Variants in BBS12 observed in about 807,000 individuals in gnomAD.
The protein encoded by BBS12 is Bardet-Biedl syndrome 12.
In BBS12, 5 loss-of-function variants were observed where a neutral mutation model predicts 5.6. That is an observed-to-expected ratio of 0.89 (90% CI 0.46 to 1.86). The LOEUF is 1.86. Among genes scored for constraint, BBS12 ranks in the 40% most tolerant of loss-of-function variants. The pLI, the probability that BBS12 is intolerant of heterozygous loss-of-function variation, is 0.01. For missense variants in BBS12, 748 were observed against 830.4 expected (o/e 0.90, Z 1.22); for synonymous variants, 308 against 306.8 (o/e 1.00, Z -0.04).
chr4:122,722,350 G>A, the BBS12 span, among the ~76,000 whole-genome samples: 2 of 152,138 alleles, frequency 1.3e-5, no homozygotes, highest in Non-Finnish European at 2.9e-5. Flanking sequence ...ATTCAGGCAA[G>A]CTAGTCCTCT....
At chr4:122,703,424 C>T in the BBS12 span, among the ~76,000 whole-genome samples, 1 of 152,322 alleles carries the variant, frequency 6.6e-6, no homozygotes, top group South Asian at 2.1e-4. Flanking sequence ...TAGCTGTAGT[C>T]CCAGCTTCTC....
At chr4:122,733,782 C>A (rs1800742124) in intron 1 of BBS12, 1 of 150,176 alleles carries the variant, frequency 6.7e-6, no homozygotes, top group African/African-American at 2.4e-5. Flanking sequence ...CCTACAATGT[C>A]TTCTCTAGAG....
In BBS12 at chr4:122,732,882, G is replaced by C. The variant is rs1228156772; in HGVS notation, c.-13G>C. 1 of 152,314 alleles carries C rather than the reference G, an allele frequency of 6.6e-6. No homozygotes were observed. The highest frequency in any genetic ancestry group is 1.9e-4 in the East Asian group (1 of 5,196). 9.4% of individuals were successfully genotyped at this position (152,314 alleles called of 1,614,324 possible). ...CCCCTGTAGGAGAGGAGAAAGGAGCGAGGTTAGTAGTGAGGTGCTTCCGCT... is the reference window on the plus strand; with the variant it reads ...CCCCTGTAGGAGAGGAGAAAGGAGCCAGGTTAGTAGTGAGGTGCTTCCGCT... On this transcript the variant is annotated splice_region_variant and 5_prime_UTR_variant, in exon 1 of 2. Coordinates refer to ENST00000314218, the MANE Select transcript of BBS12 (RefSeq NM_152618.3).
upstream of BBS12, chr4:122,731,426 T>C (rs1578482794): frequency 6.6e-6 from 1 of 152,350 alleles, no homozygotes; most frequent in East Asian, 1.9e-4. Context: ...TTAATCTTGC[T>C]CTTCCTATCT....
chr4:122,723,134 C>T, the BBS12 span, among the ~76,000 whole-genome samples: 1 of 152,050 alleles, frequency 6.6e-6, no homozygotes, highest in South Asian at 2.1e-4. Context: ...AATCAAATTT[C>T]AAATGCTGAA....
chr4:122,707,985 CTTTT>C, the BBS12 span, among the ~76,000 whole-genome samples: 13 of 148,518 alleles, frequency 8.8e-5, no homozygotes, highest in Non-Finnish European at 1.9e-4. Flanking sequence ...TTCTTTCTTT[CTTTT>C]CTCTCTTTCT....
chr4:122,728,682 T>C (rs1206780910), upstream of BBS12: 4 of 152,234 alleles, frequency 2.6e-5, no homozygotes, highest in East Asian at 5.8e-4. Context: ...TCAAAGACAC[T>C]GTGAAAACAC....
chr4:122,742,037 T>C lies in BBS12; in HGVS notation c.145T>C (p.Leu49=). The C allele has an allele frequency of 6.2e-7, 1 of 1,614,144 alleles. No homozygotes were observed. Among genetic ancestry groups the C allele is most frequent in the South Asian group, 1.1e-5 (1 of 91,080 alleles). The stretch of plus-strand genomic sequence containing the variant: ...AGATGAAGAATGTCATGAAAGTGTA[T>C]TAATCAGTTCAACAGTAAGGCTTCT... ...IIDEECHESV[L]ISSTVRLLES... is the part of the protein sequence containing the mutation. The change falls in exon 2 of 2, where the codon TTA becomes CTA. Residue 49 remains leucine (L), a synonymous_variant. Transcript: ENST00000314218.
the BBS12 span, among the ~76,000 whole-genome samples, chr4:122,714,090 A>T: frequency 6.6e-6 from 1 of 152,194 alleles, no homozygotes; most frequent in African/African-American, 2.4e-5. Context: ...CAGGGTCTTT[A>T]GGAGATATTT....
intron 1 of BBS12, among the ~76,000 whole-genome samples, chr4:122,733,490 C>T (rs1389431156): frequency 6.6e-6 from 1 of 151,462 alleles, no homozygotes; most frequent in Non-Finnish European, 1.5e-5. Flanking sequence ...ACTTGATCTG[C>T]ACTTCAGAGT....
chr4:122,736,905 T>A (rs1292690629), intron 1 of BBS12, among the ~76,000 whole-genome samples: 1 of 152,212 alleles, frequency 6.6e-6, no homozygotes, highest in Non-Finnish European at 1.5e-5. Flanking sequence ...TGAGAATTTT[T>A]AAAAATTACT....
chr4:122,701,305 C>A, the BBS12 span, among the ~76,000 whole-genome samples: 2 of 152,120 alleles, frequency 1.3e-5, no homozygotes, highest in South Asian at 4.1e-4. Flanking sequence ...AATAGCGAGT[C>A]CATACCCGAT....
chr4:122,702,641 A>C, the BBS12 span, among the ~76,000 whole-genome samples: 5 of 152,226 alleles, frequency 3.3e-5, no homozygotes, highest in Non-Finnish European at 5.9e-5. Flanking sequence ...CTGGCAAAGG[A>C]GAGCCAGTGC....
chr4:122,720,792 T>G, the BBS12 span, among the ~76,000 whole-genome samples: 2 of 151,722 alleles, frequency 1.3e-5, no homozygotes, highest in African/African-American at 2.4e-5. Flanking sequence ...TCTATGAATC[T>G]CATGTAAAAT....
Position 122,742,361 on chromosome 4 carries a change from T to G in BBS12, c.469T>G (p.Leu157Val). The change falls in exon 2 of 2, where the codon TTG (leucine) becomes GTG (valine). Residue 157 changes from leucine (L) to valine (V), a missense_variant. Physicochemically the swap from Leu to Val is conservative, Grantham distance 32. Transcript: ENST00000314218. ...TCAACTTGAAACATTTAGTGTAAGT[T>G]TGTGTCCTTTTCTACAGGTCCCTTC... ...FSQLETFSVS[L>V]CPFLQVPSDT... is the part of the protein sequence containing the mutation. The G allele has an allele frequency of 6.2e-7, 1 of 1,614,188 alleles. No individual in the cohort carries two copies. Among genetic ancestry groups the G allele is most frequent in the Non-Finnish European group, 8.5e-7 (1 of 1,180,022 alleles).
chr4:122,739,495 A>G (rs551378016), intron 1 of BBS12, among the ~76,000 whole-genome samples: 2 of 152,372 alleles, frequency 1.3e-5, no homozygotes, highest in Admixed American at 1.3e-4. Flanking sequence ...CAAATCATGA[A>G]TGACCAGTGA....
At chr4:122,716,663 ACACATATG>A in the BBS12 span, among the ~76,000 whole-genome samples, 6,690 of 93,044 alleles carry the variant, frequency 0.072, 670 homozygotes, top group African/African-American at 0.27. Context: ...ATATGCACAT[ACACATATG>A]TGTATATATA....
rs1199316595 is a variant in BBS12 at position 122,742,710 on chromosome 4, T to C, written c.818T>C (p.Val273Ala). 5.0e-6 allele frequency: 8 copies of C among 1,614,250 alleles called. No individual in the cohort carries two copies. The highest frequency in any genetic ancestry group is 3.3e-5 in the Admixed American group (2 of 60,024). The change falls in exon 2 of 2, where the codon GTA becomes GCA. Residue 273 changes from valine to alanine, a missense_variant. Transcript: ENST00000314218. The stretch of plus-strand genomic sequence containing the variant: ...TGTAATGATTTGGTAGAGTTGGCAG[T>C]AGGCTTGAGTCATGGAGATCACAGC... ...YRCNDLVELAVGLSHGDHSSM... is the reference protein window; with the variant it reads ...YRCNDLVELAAGLSHGDHSSM...
the BBS12 span, among the ~76,000 whole-genome samples, chr4:122,701,241 T>C: frequency 6.6e-6 from 1 of 152,186 alleles, no homozygotes; most frequent in Non-Finnish European, 1.5e-5. Context: ...AATGACTGGG[T>C]AGCATTATGG....
Sources: gnomAD v4.1 joint callset for allele counts (sites outside exome capture counted in the v4.1 genomes callset) on GRCh38, gnomAD v4.1.1 for gene constraint, MANE v1.5 for transcripts, NCBI Gene and HGNC (gene_info 2026-07-23, HGNC 2026-07-21) for gene names.